Variants in FIRRM observed in about 807,000 individuals in gnomAD.
The protein encoded by FIRRM is FIGNL1-interacting regulator of recombination and mitosis.
At chr1:169,786,659 T>C in the FIRRM span, among the ~76,000 whole-genome samples, 1 of 152,204 alleles carries the variant, frequency 6.6e-6, no homozygotes, top group Non-Finnish European at 1.5e-5. Flanking sequence ...TAGAAGTTAT[T>C]TATCCTAAAA....
chr1:169,792,331 A>G, the FIRRM span, among the ~76,000 whole-genome samples: 1 of 152,192 alleles, frequency 6.6e-6, no homozygotes, highest in East Asian at 1.9e-4. Context: ...AAATAGAATG[A>G]AGATGGAGAA....
chr1:169,842,718 G>A, the FIRRM span, among the ~76,000 whole-genome samples: 1 of 152,096 alleles, frequency 6.6e-6, no homozygotes, highest in African/African-American at 2.4e-5. Flanking sequence ...GAGTGTGATA[G>A]CATTATATTA....
the FIRRM span, chr1:169,793,905 GAAA>G: frequency 7.9e-3 from 1,726 of 219,240 alleles, no homozygotes; most frequent in Middle Eastern, 0.011. Context: ...GCTCTGGAAA[GAAA>G]AAAAAAAAAA....
the FIRRM span, chr1:169,804,132 CT>C: frequency 6.3e-7 from 1 of 1,585,606 alleles, no homozygotes; most frequent in Non-Finnish European, 8.6e-7. Context: ...TCTCCAGGCT[CT>C]TTTCAAGGAG....
At chr1:169,854,048 A>AAAT in the FIRRM span, 1 of 563,728 alleles carries the variant, frequency 1.8e-6, no homozygotes, top group Admixed American at 3.5e-5. Flanking sequence ...TTTCTTTTTC[A>AAAT]AATAAAAAGG....
chr1:169,838,574 C>T, the FIRRM span, among the ~76,000 whole-genome samples: 2 of 152,198 alleles, frequency 1.3e-5, no homozygotes, highest in Non-Finnish European at 2.9e-5. Context: ...ACCGCAACCT[C>T]TGCCTCCTGG....
the FIRRM span, chr1:169,850,258 T>G: frequency 5.9e-5 from 95 of 1,596,756 alleles, no homozygotes; most frequent in Non-Finnish European, 8.0e-5. Flanking sequence ...CATCAATTTT[T>G]TAATAGGGAA....
At chr1:169,789,247 T>C in the FIRRM span, among the ~76,000 whole-genome samples, 1 of 152,210 alleles carries the variant, frequency 6.6e-6, no homozygotes, top group Non-Finnish European at 1.5e-5. Context: ...AGAGTTTCCT[T>C]GCTATTCCTC....
At chr1:169,830,609 C>A in the FIRRM span, 3 of 1,286,360 alleles carry the variant, frequency 2.3e-6, no homozygotes, top group Non-Finnish European at 2.2e-6. Context: ...ATGTCCTCAT[C>A]AGAATATTTA....
chr1:169,801,285 AG>A, the FIRRM span, among the ~76,000 whole-genome samples: 6 of 152,078 alleles, frequency 3.9e-5, no homozygotes, highest in African/African-American at 1.4e-4. Flanking sequence ...CTCTACTAAA[AG>A]TACAAAAAAT....
At chr1:169,794,963 C>G in the FIRRM span, 1 of 661,874 alleles carries the variant, frequency 1.5e-6, no homozygotes, top group African/African-American at 1.8e-5. Flanking sequence ...CCTTGAGGGA[C>G]CCGGGCTCAC....
chr1:169,847,353 A>C, the FIRRM span, among the ~76,000 whole-genome samples: 1 of 149,350 alleles, frequency 6.7e-6, no homozygotes, highest in African/African-American at 2.5e-5. Context: ...AGTATCTTCA[A>C]ATTGCAATAA....
the FIRRM span, chr1:169,792,943 T>A: frequency 4.3e-6 from 7 of 1,613,964 alleles, no homozygotes; most frequent in African/African-American, 9.3e-5. Context: ...GTTTCCTGCA[T>A]CTTTTCACAT....
the FIRRM span, among the ~76,000 whole-genome samples, chr1:169,811,528 A>G: frequency 6.6e-6 from 1 of 152,058 alleles, no homozygotes; most frequent in Non-Finnish European, 1.5e-5. Context: ...CATGGCACAT[A>G]CCTGTAGTTC....
At chr1:169,801,058 C>A in the FIRRM span, 1 of 652,234 alleles carries the variant, frequency 1.5e-6, no homozygotes. Flanking sequence ...CTCTCTTTTT[C>A]TAATATATCA....
At chr1:169,790,318 C>T in the FIRRM span, among the ~76,000 whole-genome samples, 2 of 152,106 alleles carry the variant, frequency 1.3e-5, no homozygotes, top group Non-Finnish European at 2.9e-5. Flanking sequence ...TCTCTAATAG[C>T]TCGGATTACT....
chr1:169,792,748 A>C, the FIRRM span: 1 of 1,613,790 alleles, frequency 6.2e-7, no homozygotes, highest in Non-Finnish European at 8.5e-7. Context: ...GTACACGTCC[A>C]TTTTTACTTA....
At chr1:169,784,650 C>T in the FIRRM span, among the ~76,000 whole-genome samples, 492 of 152,230 alleles carry the variant, frequency 3.2e-3, 1 homozygote, top group Non-Finnish European at 5.4e-3. Flanking sequence ...AGTTAATCTC[C>T]GAACCTTCAT....
At chr1:169,810,382 A>G in the FIRRM span, among the ~76,000 whole-genome samples, 2 of 152,212 alleles carry the variant, frequency 1.3e-5, no homozygotes, top group Non-Finnish European at 2.9e-5. Context: ...GGCTTAAAAC[A>G]ATAGAATTTT....
Sources: allele counts gnomAD v4.1 joint callset (sites outside exome capture counted in the v4.1 genomes callset), GRCh38; gene constraint gnomAD v4.1.1; transcripts MANE v1.5; gene names NCBI Gene and HGNC (gene_info 2026-07-23, HGNC 2026-07-21).